Variants in TMEM176B observed in about 807,000 individuals in gnomAD.
TMEM176B encodes the protein LR8-like protein.
In TMEM176B, 28 loss-of-function variants were observed where a neutral mutation model predicts 30.3. The observed-to-expected ratio is 0.92, with a 90% CI of 0.68 to 1.27. The LOEUF is 1.27. TMEM176B is among the 50% of genes most tolerant of loss of function. The pLI is 0.00. For missense variants in TMEM176B, 349 were observed against 327.4 expected, an observed-to-expected ratio of 1.07 and a Z score of -0.51; for synonymous variants, 123 against 130.3, an observed-to-expected ratio of 0.94 and a Z score of 0.38.
At position 150,791,558 on chromosome 7, in the gene TMEM176B, C is replaced by G. The variant is rs752583773; in HGVS notation, c.786G>C (p.Glu262Asp). 8.1e-6 allele frequency: 13 copies of G among 1,613,900 alleles called. No individual in the cohort carries two copies. Among genetic ancestry groups the G allele is most frequent in the Non-Finnish European group, 1.0e-5 (12 of 1,179,978 alleles). Reference protein sequence around the residue: ...ENSVPPSPSREQTSTAIVL With the variant: ...ENSVPPSPSRDQTSTAIVL The stretch of plus-strand genomic sequence containing the variant: ...ACAGGACAATGGCAGTGGAGGTCTG[C>G]TCCCTAGAGGGCGAAGGGGGCACTG... Residue 262 changes from glutamate (E) to aspartate (D), a missense_variant, in exon 7 of 7, where the codon GAG becomes GAC. Transcript: ENST00000326442.
At chr7:150,801,060 C>T, upstream of TMEM176B, 2 of 926,888 alleles carry the variant, frequency 2.2e-6, no homozygotes, top group Non-Finnish European at 2.6e-6. Flanking sequence ...GAGCAGCAGT[C>T]GGTGGAGCGG....
chr7:150,800,648 CT>C, upstream of TMEM176B: 1 of 152,844 alleles, frequency 6.5e-6, no homozygotes, highest in Non-Finnish European at 1.5e-5. Flanking sequence ...CCCAGTGACC[CT>C]CGCGCAGCAG....
At position 150,792,135 on chromosome 7, in the gene TMEM176B, C is replaced by A; in HGVS notation, c.641G>T (p.Cys214Phe). 5.0e-6 allele frequency: 8 copies of A among 1,614,040 alleles called. No homozygotes were observed. Among genetic ancestry groups the A allele is most frequent in the Non-Finnish European group, 6.8e-6 (8 of 1,179,976 alleles). The change falls in exon 6 of 7, where the codon TGT (cysteine) becomes TTT (phenylalanine). Residue 214 changes from cysteine to phenylalanine, a missense_variant. Cys to Phe is a radical substitution (Grantham distance 205, BLOSUM62 -2). Coordinates refer to ENST00000326442, the MANE Select transcript of TMEM176B (RefSeq NM_001101312.2). ...CAAGGACACAATGACCTTCAAGACACAGACAGCCAGGAACAGGGCACGGAT... is the reference window on the plus strand; with the variant it reads ...CAAGGACACAATGACCTTCAAGACAAAGACAGCCAGGAACAGGGCACGGAT... ...TAIRALFLAV[C>F]VLKVIVSLVS... is the part of the protein sequence containing the mutation.
chr7:150,799,510 G>A (rs1798676492), intron 1 of TMEM176B, among the ~76,000 whole-genome samples: 1 of 152,242 alleles, frequency 6.6e-6, no homozygotes, highest in Non-Finnish European at 1.5e-5. Flanking sequence ...GGACATCCTG[G>A]CTAAGTATCA....
chr7:150,794,118 G>A, intron 2 of TMEM176B, 47 bp from the exon 3 acceptor site: 1 of 1,497,798 alleles, frequency 6.7e-7, no homozygotes, highest in Non-Finnish European at 9.2e-7. Context: ...GAGTCCACAT[G>A]CCCCGGCTGC....
At chr7:150,796,756 C>G in intron 1 of TMEM176B, 182 bp from the exon 2 acceptor site, 1 of 610,702 alleles carries the variant, frequency 1.6e-6, no homozygotes. Flanking sequence ...GTCAGGAGTT[C>G]AAGACCAGCC....
chr7:150,793,026 C>T, intron 5 of TMEM176B, 62 bp downstream of exon 5: 1 of 1,563,100 alleles, frequency 6.4e-7, no homozygotes, highest in Non-Finnish European at 8.8e-7. Flanking sequence ...CTCCAGGGCC[C>T]CCAGCTCCCT....
At chr7:150,801,196 C>CTCTGGGCTGAAGGGGTGTGGAGGAGCCA, upstream of TMEM176B, 1 of 212,004 alleles carries the variant, frequency 4.7e-6, no homozygotes, top group Non-Finnish European at 8.9e-6. Context: ...GGAGGGGAGG[C>CTCTGGGCTGAAGGGGTGTGGAGGAGCCA]CGCAGGAAGA....
At position 150,793,967 on chromosome 7, in the gene TMEM176B, C is replaced by T; in HGVS notation, c.309G>A (p.Gly103=). Residue 103 remains glycine (G), a synonymous_variant, in exon 3 of 7, where the codon GGG becomes GGA. Transcript: ENST00000326442. ...LSASGCAFWA[G]SVVIAAGAGA... The stretch of plus-strand genomic sequence containing the variant: ...CAGCCTGTTCCTTACTCACCACAGA[C>T]CCCGCCCAGAAGGCACAGCCTGAGG... The T allele has an allele frequency of 6.2e-7, 1 of 1,604,960 alleles. No homozygotes were observed. Among genetic ancestry groups the T allele is most frequent in the Non-Finnish European group, 8.5e-7 (1 of 1,175,932 alleles).
chr7:150,798,481 T>A (rs192762889), intron 1 of TMEM176B, among the ~76,000 whole-genome samples: 2 of 152,286 alleles, frequency 1.3e-5, no homozygotes, highest in African/African-American at 4.8e-5. Flanking sequence ...TTCACCGTGT[T>A]AGCCAGGATG....
chr7:150,793,575 A>G lies in TMEM176B; in HGVS notation c.341T>C (p.Ile114Thr), dbSNP rs377185358. The change falls in exon 4 of 7, where the codon ATT becomes ACT. Residue 114 changes from isoleucine to threonine, a missense_variant. Physicochemically the swap from Ile to Thr is moderately conservative, Grantham distance 89. Transcript: ENST00000326442. ...TTTGCCCGGGTGCTTCTCATGGACA[A>G]TGGCCCCAGCTCCTGCTGCGATCAC... is the stretch of plus-strand genomic sequence containing the variant. ...SVVIAAGAGA[I>T]VHEKHPGKLA... The G allele has an allele frequency of 2.5e-6, 4 of 1,613,526 alleles. No individual in the cohort carries two copies. Among genetic ancestry groups the G allele is most frequent in the East Asian group, 2.2e-5 (1 of 44,878 alleles).
intron 4 of TMEM176B, 77 bp from the exon 5 acceptor site, chr7:150,793,392 CT>C: frequency 6.6e-7 from 1 of 1,515,624 alleles, no homozygotes. Context: ...TCAAATCCCT[CT>C]CCTCTTCCCC....
rs17256042 is a variant in TMEM176B, at chr7:150,793,150, G to A, written c.538C>T (p.Arg180Trp). 0.043 allele frequency: 68,751 copies of A among 1,614,104 alleles called. 1,673 individuals are homozygous for A. Among genetic ancestry groups the A allele is most frequent in the Middle Eastern group, 0.052 (316 of 6,062 alleles). ...VFPTTGYRWM[R>W]RSQENQWQKE... ...TGCCATTGGTTCTCTTGACTTCGCC[G>A]CATCCATCTGTACCCAGTGGTAGGG... is the stretch of plus-strand genomic sequence containing the variant. The change falls in exon 5 of 7, where the codon CGG (arginine) becomes TGG (tryptophan). Residue 180 changes from arginine (R) to tryptophan (W), a missense_variant. Transcript: ENST00000326442.
At position 150,793,974 on chromosome 7, in the gene TMEM176B, C is replaced by T; in HGVS notation, c.302G>A (p.Trp101Ter). The change falls in exon 3 of 7, where the codon TGG becomes TAG. Residue 101 changes from tryptophan (W) to a stop codon, truncating the protein, a stop_gained. Transcript: ENST00000326442. LOFTEE classifies it high-confidence loss of function. ...TVLSASGCAF[W>*]AGSVVIAAGA... ...TTCCTTACTCACCACAGACCCCGCC[C>T]AGAAGGCACAGCCTGAGGCACTCAG... 6.2e-7 allele frequency: 1 copy of T among 1,609,058 alleles called. No homozygotes were observed. Among genetic ancestry groups the T allele is most frequent in the Non-Finnish European group, 8.5e-7 (1 of 1,177,932 alleles).
intron 1 of TMEM176B, chr7:150,800,003 G>A (rs1798705273): frequency 1.3e-5 from 2 of 152,414 alleles, no homozygotes; most frequent in East Asian, 1.9e-4. Context: ...CCCTGGCCCC[G>A]TCCCAGGAGC....
chr7:150,792,987 T>C (rs10215370), intron 5 of TMEM176B, 101 bp downstream of exon 5: 182,412 of 1,134,164 alleles, frequency 0.16, 15,438 homozygotes, highest in African/African-American at 0.18. Context: ...CAGCATGAAG[T>C]CCAAGCTCAA....
intron 1 of TMEM176B, among the ~76,000 whole-genome samples, chr7:150,797,950 CG>C (rs1023214052): frequency 5.3e-5 from 8 of 152,286 alleles, no homozygotes; most frequent in African/African-American, 1.9e-4. Context: ...TTATCCTCCA[CG>C]GAGGTGGTAG....
At chr7:150,796,678 G>T (rs1457857603) in intron 1 of TMEM176B, 104 bp from the exon 2 acceptor site, 3 of 1,180,922 alleles carry the variant, frequency 2.5e-6, no homozygotes, top group African/African-American at 3.0e-5. Flanking sequence ...CAAGATCCCA[G>T]CTGGGCACAA....
intron 1 of TMEM176B, among the ~76,000 whole-genome samples, chr7:150,797,299 A>T (rs1412400529): frequency 6.6e-6 from 1 of 152,178 alleles, no homozygotes; most frequent in African/African-American, 2.4e-5. Context: ...TGATCACACG[A>T]TCATATGTTT....
Sources: gnomAD v4.1 joint callset for allele counts (sites outside exome capture counted in the v4.1 genomes callset) on GRCh38, gnomAD v4.1.1 for gene constraint, MANE v1.5 for transcripts, NCBI Gene and HGNC (gene_info 2026-07-23, HGNC 2026-07-21) for gene names.